COLQ: variants seen among roughly 807,000 people sequenced by gnomAD.
COLQ encodes the protein acetylcholinesterase collagenic tail peptide.
A neutral mutation model predicts 69.0 loss-of-function variants in COLQ; 48 were observed. That is an observed-to-expected ratio of 0.70 (90% CI 0.55 to 0.88). The LOEUF is 0.88. Among genes scored for constraint, COLQ ranks in the 40% least tolerant of loss-of-function variants. The probability of loss-of-function intolerance (pLI) is 0.00; values close to 1 mark genes in which losing one functional copy is unlikely to be tolerated. For synonymous variants in COLQ, 217 were observed against 211.2 expected, an observed-to-expected ratio of 1.03 and a Z score of -0.24; for missense variants, 618 against 594.6, an observed-to-expected ratio of 1.04 and a Z score of -0.41.
intron 1 of COLQ, among the ~76,000 whole-genome samples, chr3:15,501,941 T>A (rs2062835800): frequency 6.6e-6 from 1 of 152,206 alleles, no homozygotes; most frequent in Non-Finnish European, 1.5e-5. Context: ...TTTAAACCTA[T>A]TGCAATAGTC....
chr3:15,502,209 G>C (rs879762535), intron 1 of COLQ, among the ~76,000 whole-genome samples: 1 of 150,028 alleles, frequency 6.7e-6, no homozygotes, highest in Non-Finnish European at 1.5e-5. Flanking sequence ...TCTGCCTCTC[G>C]GATTTAAGAG....
intron 1 of COLQ, among the ~76,000 whole-genome samples, chr3:15,505,473 T>G (rs1238531874): frequency 2.0e-5 from 3 of 152,244 alleles, no homozygotes; most frequent in African/African-American, 7.2e-5. Context: ...ATTTTGGACC[T>G]TATCTAAAGA....
chr3:15,480,366 G>A (rs1206654415), intron 3 of COLQ, among the ~76,000 whole-genome samples: 5 of 149,788 alleles, frequency 3.3e-5, no homozygotes, highest in Admixed American at 3.3e-4. Context: ...GGTATGTGAT[G>A]TTCCCCACCC....
chr3:15,506,130 G>C (rs2062907995), intron 1 of COLQ, among the ~76,000 whole-genome samples: 1 of 152,190 alleles, frequency 6.6e-6, no homozygotes, highest in Non-Finnish European at 1.5e-5. Flanking sequence ...TTTGGACTCA[G>C]TTGAGCACTA....
intron 1 of COLQ, among the ~76,000 whole-genome samples, chr3:15,510,069 G>A (rs1488109341): frequency 6.6e-6 from 1 of 152,088 alleles, no homozygotes; most frequent in African/African-American, 2.4e-5. Context: ...CCAGCTACTC[G>A]GGAGGCTGAG....
chr3:15,456,103 AG>A (rs1229678294), intron 14 of COLQ, 84 bp from the exon 15 acceptor site: 25 of 1,522,678 alleles, frequency 1.6e-5, no homozygotes, highest in Non-Finnish European at 2.1e-5. Flanking sequence ...TTTGGTCCAA[AG>A]GCACTGCTGG....
intron 1 of COLQ, among the ~76,000 whole-genome samples, chr3:15,521,268 G>C (rs1206354083): frequency 2.6e-5 from 4 of 152,216 alleles, no homozygotes; most frequent in Non-Finnish European, 4.4e-5. Context: ...GGGGAGAATA[G>C]GGGAGGCAGA....
At position 15,451,186 on chromosome 3, in the gene COLQ, C is replaced by T. The variant is rs1014610240; in HGVS notation, c.*458G>A. 8 of 221,214 alleles carry T rather than the reference C, an allele frequency of 3.6e-5. No individual in the cohort carries two copies. The highest frequency in any genetic ancestry group is 1.0e-4 in the East Asian group (1 of 9,642). The allele number at this position is 221,214 out of a possible 1,614,324, so 13.7% of individuals were successfully genotyped here. On this transcript the variant is annotated 3_prime_UTR_variant, in exon 17 of 17. Coordinates refer to ENST00000383788, the MANE Select transcript of COLQ (RefSeq NM_005677.4). The stretch of plus-strand genomic sequence containing the variant: ...TCATAGGCCTAGAGAGACCCGACAG[C>T]GGGCTGCCCAGTGTGAGTGAGAATG...
At chr3:15,490,654 A>G (rs1394061005) in intron 1 of COLQ, among the ~76,000 whole-genome samples, 5 of 152,240 alleles carry the variant, frequency 3.3e-5, no homozygotes, top group African/African-American at 1.2e-4. Context: ...ATTCTGCTGA[A>G]CATCGCTGAT....
chr3:15,481,186 G>T (rs1393233609), intron 3 of COLQ, among the ~76,000 whole-genome samples: 1 of 152,176 alleles, frequency 6.6e-6, no homozygotes, highest in Non-Finnish European at 1.5e-5. Context: ...TTCTTTTGCT[G>T]TGCAGAAGCT....
chr3:15,521,456 A>G, intron 1 of COLQ, 64 bp downstream of exon 1: 1 of 1,605,306 alleles, frequency 6.2e-7, no homozygotes, highest in Non-Finnish European at 8.5e-7. Context: ...ATTGCAAAAC[A>G]ATCTTCCTTC....
In COLQ at chr3:15,468,087, T is replaced by C. The variant is rs532144723; in HGVS notation, c.718-1650A>G. 5.9e-5 allele frequency among the ~76,000 whole-genome samples: 9 copies of C among 152,314 alleles called. No homozygotes were observed. The South Asian group carries it at 1.4e-3, about 25-fold the overall frequency. Reference sequence around the variant, plus strand: ...TTCAGTCTTGTTTTTCTAACGGCCATGTCAGCTGGCTCTGAGCAAAGGAAG... The same window carrying C: ...TTCAGTCTTGTTTTTCTAACGGCCACGTCAGCTGGCTCTGAGCAAAGGAAG... On this transcript the variant is annotated intron_variant, in intron 11 of 16. Transcript: ENST00000383788.
intron 7 of COLQ, chr3:15,475,180 T>C: frequency 1.5e-6 from 1 of 654,734 alleles, no homozygotes; most frequent in African/African-American, 1.8e-5. Context: ...ATCAAAGGTT[T>C]CCATCTGCTC....
intron 1 of COLQ, chr3:15,498,995 A>C: frequency 8.8e-7 from 1 of 1,131,048 alleles, no homozygotes; most frequent in Non-Finnish European, 1.1e-6. Context: ...AGCAGTATTG[A>C]CTGCTCTGGT....
intron 1 of COLQ, among the ~76,000 whole-genome samples, chr3:15,493,010 G>A (rs908220324): frequency 2.6e-5 from 4 of 152,304 alleles, no homozygotes; most frequent in African/African-American, 7.2e-5. Context: ...ACAAGTTAAC[G>A]AGGGACTGAA....
Position 15,475,403 on chromosome 3 carries a change from T to C in COLQ, c.528+22A>G, listed in dbSNP as rs3816526. Reference sequence around the variant, plus strand: ...AGAGCCTGACAGAGATCTGGGAACGTCCATTTGGACCCCACACTGACCTTG... The same window carrying C: ...AGAGCCTGACAGAGATCTGGGAACGCCCATTTGGACCCCACACTGACCTTG... On this transcript the variant is annotated intron_variant, in intron 7 of 16. Transcript: ENST00000383788. 0.39 allele frequency: 619,498 copies of C among 1,577,442 alleles called. 123,100 individuals are homozygous for C. Among genetic ancestry groups the C allele is most frequent in the East Asian group, 0.48 (21,128 of 43,796 alleles).
At chr3:15,463,845 A>T (rs2062158310) in intron 12 of COLQ, among the ~76,000 whole-genome samples, 1 of 152,232 alleles carries the variant, frequency 6.6e-6, no homozygotes, top group Non-Finnish European at 1.5e-5. Context: ...AGCCAATTCC[A>T]GAAATGAATT....
intron 3 of COLQ, among the ~76,000 whole-genome samples, chr3:15,481,359 C>T (rs2062480782): frequency 6.6e-6 from 1 of 152,164 alleles, no homozygotes; most frequent in African/African-American, 2.4e-5. Flanking sequence ...AGTATTTAAT[C>T]CATCTTGAAT....
At position 15,456,665 on chromosome 3, in the gene COLQ, T is replaced by G. The variant is rs533487711; in HGVS notation, c.955-86A>C. ...GCTGGAGGAGGAAACAGAATCTCTATCCTTGGGCTGCTCAACAGTGGGAAG... is the reference window on the plus strand; with the variant it reads ...GCTGGAGGAGGAAACAGAATCTCTAGCCTTGGGCTGCTCAACAGTGGGAAG... On this transcript the variant is annotated intron_variant, in intron 13 of 16. Coordinates refer to ENST00000383788, the MANE Select transcript of COLQ (RefSeq NM_005677.4). 28 of 1,574,794 alleles carry G rather than the reference T, an allele frequency of 1.8e-5. No individual in the cohort carries two copies. The African/African-American group carries it at 3.0e-4, about 17-fold the overall frequency.
Sources: allele counts gnomAD v4.1 joint callset (sites outside exome capture counted in the v4.1 genomes callset), GRCh38; gene constraint gnomAD v4.1.1; transcripts MANE v1.5; gene names NCBI Gene and HGNC (gene_info 2026-07-23, HGNC 2026-07-21).